The following KDM7A variants were observed in gnomAD, a reference collection of about 807,000 sequenced individuals.
KDM7A encodes the protein lysine demethylase 7A.
Under a neutral mutation model 114.8 loss-of-function variants are expected in KDM7A, and 28 were observed. That is an observed-to-expected ratio of 0.24 (90% CI 0.18 to 0.33). KDM7A has a LOEUF of 0.33. Among genes scored for constraint, KDM7A ranks in the 10% least tolerant of loss-of-function variants. The probability of loss-of-function intolerance (pLI) is 1.00; values close to 1 mark genes in which losing one functional copy is unlikely to be tolerated. For missense variants in KDM7A, 942 were observed against 1,142.5 expected, an observed-to-expected ratio of 0.82 and a Z score of 2.53; for synonymous variants, 423 against 397.8, an observed-to-expected ratio of 1.06 and a Z score of -0.75.
intron 11 of KDM7A, among the ~76,000 whole-genome samples, chr7:140,104,801 TTAAAG>T (rs547240076): frequency 0.025 from 3,807 of 152,272 alleles, 155 homozygotes; most frequent in African/African-American, 0.087. Flanking sequence ...CATATGAACT[TTAAAG>T]TAGTTTTTTC....
chr7:140,152,144 T>C (rs981141422), intron 1 of KDM7A, among the ~76,000 whole-genome samples: 1 of 152,134 alleles, frequency 6.6e-6, no homozygotes, highest in Non-Finnish European at 1.5e-5. Flanking sequence ...AAAGCATTCA[T>C]ATTAAAGGCC....
intron 7 of KDM7A, among the ~76,000 whole-genome samples, 158 bp downstream of exon 7, chr7:140,124,463 T>C (rs988600818): frequency 6.6e-6 from 1 of 152,196 alleles, no homozygotes; most frequent in Non-Finnish European, 1.5e-5. Context: ...AGAGAAACCC[T>C]CTAAGGAACA....
intron 1 of KDM7A, among the ~76,000 whole-genome samples, chr7:140,148,140 T>C (rs897796981): frequency 6.6e-6 from 1 of 152,100 alleles, no homozygotes; most frequent in Non-Finnish European, 1.5e-5. Flanking sequence ...AACTAGGCTT[T>C]TATGATTGGG....
Position 140,091,934 on chromosome 7 carries a change from C to A in KDM7A, c.2601G>T (p.Gly867=). ...GACTGCCATTACTTATCTGGCACGC[C>A]CCCGAAGTCAGGTTTGAATTCTGCA... The part of the protein sequence containing the change: ...KYMQNSNLTS[G]ACQISNGSLS... The change falls in exon 19 of 20, where the codon GGG becomes GGT. Residue 867 remains glycine (G), a synonymous_variant. Coordinates refer to ENST00000397560, the MANE Select transcript of KDM7A (RefSeq NM_030647.2). 1 of 1,613,820 alleles carries A rather than the reference C, an allele frequency of 6.2e-7. No individual in the cohort carries two copies. The highest frequency in any genetic ancestry group is 8.5e-7 in the Non-Finnish European group (1 of 1,179,988).
intron 9 of KDM7A, among the ~76,000 whole-genome samples, chr7:140,118,580 ATTT>A (rs34658145): frequency 7.3e-6 from 1 of 137,890 alleles, no homozygotes; most frequent in Non-Finnish European, 1.6e-5. Context: ...TAATTTTTGT[ATTT>A]TTTTTTTTTT....
chr7:140,162,985 G>A (rs971743203), intron 1 of KDM7A, among the ~76,000 whole-genome samples: 1 of 149,524 alleles, frequency 6.7e-6, no homozygotes, highest in African/African-American at 2.5e-5. Flanking sequence ...TAAGATTTTT[G>A]CTTTTCTTTC....
chr7:140,123,815 C>T (rs1818653716), intron 7 of KDM7A, among the ~76,000 whole-genome samples: 1 of 152,158 alleles, frequency 6.6e-6, no homozygotes, highest in Admixed American at 6.5e-5. Context: ...GGCGTGGAGG[C>T]TCACGCCTGT....
chr7:140,146,323 A>G (rs1454322880), intron 1 of KDM7A, among the ~76,000 whole-genome samples: 1 of 152,208 alleles, frequency 6.6e-6, no homozygotes, highest in African/African-American at 2.4e-5. Context: ...ACTACTGCCT[A>G]CACTTCCGTT....
intron 11 of KDM7A, among the ~76,000 whole-genome samples, chr7:140,106,650 GAC>G (rs529972713): frequency 1.3e-3 from 202 of 152,294 alleles, no homozygotes; most frequent in African/African-American, 4.7e-3. Flanking sequence ...TGGTCTGAGA[GAC>G]AGTTTGTTAT....
chr7:140,107,879 T>C (rs1159211563), intron 11 of KDM7A, among the ~76,000 whole-genome samples: 1 of 152,216 alleles, frequency 6.6e-6, no homozygotes, highest in Admixed American at 6.5e-5. Flanking sequence ...TCCAACTTGG[T>C]TCCATTCTCC....
chr7:140,118,509 A>G (rs958552317), intron 9 of KDM7A, among the ~76,000 whole-genome samples: 3 of 151,308 alleles, frequency 2.0e-5, no homozygotes, highest in Non-Finnish European at 2.9e-5. Flanking sequence ...GGTTCAAGCG[A>G]TTCTTCCTGC....
At position 140,096,775 on chromosome 7, in the gene KDM7A, A is replaced by G. The variant is rs1395055870; in HGVS notation, c.2166-12T>C. 1.9e-6 allele frequency: 3 copies of G among 1,609,766 alleles called. No homozygotes were observed. The highest frequency in any genetic ancestry group is 2.5e-6 in the Non-Finnish European group (3 of 1,177,598). ...AGGTAGGACATTCCCTAAAGAAGAGATGATCCAAAAACACAAGAGTCTATT... is the reference window on the plus strand; with the variant it reads ...AGGTAGGACATTCCCTAAAGAAGAGGTGATCCAAAAACACAAGAGTCTATT... On this transcript the variant is annotated splice_polypyrimidine_tract_variant and intron_variant, in intron 16 of 19. Coordinates refer to ENST00000397560, the MANE Select transcript of KDM7A (RefSeq NM_030647.2).
chr7:140,123,248 G>C (rs1032296575), intron 7 of KDM7A, among the ~76,000 whole-genome samples: 19 of 152,208 alleles, frequency 1.2e-4, no homozygotes, highest in African/African-American at 4.1e-4. Flanking sequence ...ACGTAAAATG[G>C]TGCAGCCATT....
chr7:140,106,963 G>A (rs368864365), intron 11 of KDM7A, among the ~76,000 whole-genome samples: 2 of 152,082 alleles, frequency 1.3e-5, no homozygotes, highest in African/African-American at 4.8e-5. Flanking sequence ...TATGAATCTG[G>A]GTGCATATAT....
At chr7:140,142,996 A>G (rs1026322996) in intron 1 of KDM7A, among the ~76,000 whole-genome samples, 2 of 152,064 alleles carry the variant, frequency 1.3e-5, no homozygotes, top group Non-Finnish European at 2.9e-5. Context: ...CCTGGCTAAC[A>G]CGGTGAAACC....
At chr7:140,103,456 T>TCCCCCCCCCCCCCCAC (rs36126233) in intron 11 of KDM7A, among the ~76,000 whole-genome samples, 1 of 147,604 alleles carries the variant, frequency 6.8e-6, no homozygotes. Flanking sequence ...ATGTTATCCC[T>TCCCCCCCCCCCCCCAC]CCCCCCCCCT....
rs1257080905 is a variant in KDM7A at position 140,139,312 on chromosome 7, G to A, written c.195-122C>T. 3 of 642,132 alleles carry A rather than the reference G, an allele frequency of 4.7e-6. No individual in the cohort carries two copies. The African/African-American group carries it at 5.5e-5, about 12-fold the overall frequency. The allele number at this position is 642,132 out of a possible 1,614,324, so 39.8% of individuals were successfully genotyped here. ...CACCTCACCAACACATTTTTGTAGA[G>A]CACAGAAACACATATAAAGATAAAT... On this transcript the variant is annotated intron_variant, in intron 1 of 19. Transcript: ENST00000397560.
At position 140,150,414 on chromosome 7, in the gene KDM7A, G is replaced by C. The variant is rs188012352; in HGVS notation, c.195-11224C>G. ...ATCTGTGGCTCCCAAACCTGGCTAT[G>C]CATTAGAATCCCCTACAAGCTTCTA... On this transcript the variant is annotated intron_variant, in intron 1 of 19. Transcript: ENST00000397560. Among the ~76,000 whole-genome samples the C allele has an allele frequency of 2.0e-5, 3 of 152,296 alleles. No homozygotes were observed. The East Asian group carries it at 5.8e-4, about 29-fold the overall frequency.
intron 18 of KDM7A, among the ~76,000 whole-genome samples, chr7:140,093,380 T>C (rs1818054281): frequency 6.6e-6 from 1 of 152,222 alleles, no homozygotes; most frequent in Non-Finnish European, 1.5e-5. Flanking sequence ...CACAAATGTT[T>C]CTTCACTCAG....
Sources: gnomAD v4.1 joint callset for allele counts (sites outside exome capture counted in the v4.1 genomes callset) on GRCh38, gnomAD v4.1.1 for gene constraint, MANE v1.5 for transcripts, NCBI Gene and HGNC (gene_info 2026-07-23, HGNC 2026-07-21) for gene names.